PRKAR1A: variants seen among roughly 807,000 people sequenced by gnomAD.
The protein encoded by PRKAR1A is protein kinase cAMP-dependent type I regulatory subunit alpha.
In PRKAR1A, 3 loss-of-function variants were observed where a neutral mutation model predicts 52.0. That is an observed-to-expected ratio of 0.06 (90% CI 0.03 to 0.15). The LOEUF is 0.15. Among genes scored for constraint, PRKAR1A ranks in the 10% least tolerant of loss-of-function variants. PRKAR1A has a pLI of 1.00. For synonymous variants in PRKAR1A, 188 were observed against 168.4 expected (o/e 1.12, Z -0.90); for missense variants, 240 against 477.4 (o/e 0.50, Z 4.63).
At chr17:68,545,942 G>C (rs1453672487) in intron 11 of PRKAR1A, among the ~76,000 whole-genome samples, 1 of 152,146 alleles carries the variant, frequency 6.6e-6, no homozygotes, top group African/African-American at 2.4e-5. Flanking sequence ...GGCTGAGGCA[G>C]GTGGATCACG....
chr17:68,523,038 A>G (rs999588795), intron 3 of PRKAR1A, 112 bp downstream of exon 3: 1 of 1,304,042 alleles, frequency 7.7e-7, no homozygotes, highest in African/African-American at 1.5e-5. Context: ...AACTTCATCC[A>G]TCCTGTACAA....
At chr17:68,418,219 G>A in the PRKAR1A span, among the ~76,000 whole-genome samples, 1 of 152,068 alleles carries the variant, frequency 6.6e-6, no homozygotes, top group Non-Finnish European at 1.5e-5. Context: ...GTTGATTTTT[G>A]TTTTCACTGG....
chr17:68,428,973 G>T, the PRKAR1A span: 1 of 1,499,702 alleles, frequency 6.7e-7, no homozygotes, highest in South Asian at 1.1e-5. Flanking sequence ...TGATGACAAC[G>T]AAGATGGGCG....
chr17:68,491,826 G>A, the PRKAR1A span, among the ~76,000 whole-genome samples: 1 of 152,136 alleles, frequency 6.6e-6, no homozygotes, highest in African/African-American at 2.4e-5. Flanking sequence ...ATCCTTAAAG[G>A]GCCAGAAGAA....
At chr17:68,504,581 G>C in the PRKAR1A span, among the ~76,000 whole-genome samples, 6 of 152,198 alleles carry the variant, frequency 3.9e-5, no homozygotes, top group Non-Finnish European at 8.8e-5. Context: ...AGTGAAGTAG[G>C]CCAAGCACAG....
intron 5 of PRKAR1A, 25 bp from the exon 6 acceptor site, chr17:68,524,887 T>C: frequency 6.4e-7 from 1 of 1,570,646 alleles, no homozygotes; most frequent in Non-Finnish European, 8.8e-7. Flanking sequence ...TGGAATATGC[T>C]TCTAACTTTT....
chr17:68,536,062 A>T, downstream of PRKAR1A: 1 of 454,090 alleles, frequency 2.2e-6, no homozygotes. Flanking sequence ...ATCTCAGTGA[A>T]TGGTAGTGAT....
chr17:68,477,551 G>A, the PRKAR1A span, among the ~76,000 whole-genome samples: 6 of 152,056 alleles, frequency 3.9e-5, no homozygotes, highest in South Asian at 2.1e-4. Flanking sequence ...TTTTTTCCCC[G>A]TGTGTACTTA....
intron 9 of PRKAR1A, 69 bp downstream of exon 9, chr17:68,529,060 T>C (rs2085882664): frequency 6.3e-7 from 1 of 1,587,240 alleles, no homozygotes; most frequent in Non-Finnish European, 8.6e-7. Context: ...CTTTAAAAAG[T>C]TGTACGCTCT....
the PRKAR1A span, among the ~76,000 whole-genome samples, chr17:68,491,969 G>T: frequency 6.6e-6 from 1 of 152,186 alleles, no homozygotes; most frequent in Non-Finnish European, 1.5e-5. Flanking sequence ...GTCTGTCCTG[G>T]CCATGGGCCA....
At chr17:68,462,420 G>A in the PRKAR1A span, among the ~76,000 whole-genome samples, 35 of 152,236 alleles carry the variant, frequency 2.3e-4, no homozygotes, top group East Asian at 4.6e-3. Context: ...ACACAGAGAC[G>A]GGTTCAGCAG....
chr17:68,531,924 G>A lies in PRKAR1A; in HGVS notation c.*1475G>A, dbSNP rs1453918162. On this transcript the variant is annotated 3_prime_UTR_variant, in exon 11 of 11. Coordinates refer to ENST00000589228, the MANE Select transcript of PRKAR1A (RefSeq NM_002734.5). Reference sequence around the variant, plus strand: ...GGGTTATATTTGGGAGTGACTGCAAGCATTTTTCCATCTGTGTGCAACTAA... The same window carrying A: ...GGGTTATATTTGGGAGTGACTGCAAACATTTTTCCATCTGTGTGCAACTAA... The A allele has an allele frequency of 1.7e-5, 18 of 1,064,786 alleles. No homozygotes were observed. The highest frequency in any genetic ancestry group is 2.0e-5 in the Non-Finnish European group (18 of 878,526). The allele number at this position is 1,064,786 out of a possible 1,614,324, so 66.0% of individuals were successfully genotyped here. A position where few individuals can be genotyped will look rare whatever the true frequency, so the allele number is the denominator to read the frequency against.
chr17:68,454,810 G>A, the PRKAR1A span, among the ~76,000 whole-genome samples: 1 of 152,206 alleles, frequency 6.6e-6, no homozygotes, highest in African/African-American at 2.4e-5. Flanking sequence ...TTAATGCAAA[G>A]TGACAGCAAT....
chr17:68,476,844 G>A, the PRKAR1A span, among the ~76,000 whole-genome samples: 1 of 151,974 alleles, frequency 6.6e-6, no homozygotes, highest in Non-Finnish European at 1.5e-5. Context: ...TGTATTTTTA[G>A]TAGGGATGGG....
intron 11 of PRKAR1A, chr17:68,540,602 C>T: frequency 1.7e-6 from 1 of 599,102 alleles, no homozygotes; most frequent in Non-Finnish European, 3.1e-6. Context: ...GACGCCCACT[C>T]AGGCCCGTGG....
chr17:68,437,016 A>ATATATATATG, the PRKAR1A span, among the ~76,000 whole-genome samples: 18 of 144,578 alleles, frequency 1.2e-4, no homozygotes, highest in Non-Finnish European at 2.0e-4. Flanking sequence ...ATATATATAT[A>ATATATATATG]TGTGTGTGTG....
At chr17:68,505,212 G>A in the PRKAR1A span, among the ~76,000 whole-genome samples, 2 of 152,156 alleles carry the variant, frequency 1.3e-5, no homozygotes, top group Admixed American at 6.5e-5. Context: ...GTGGGAGGAT[G>A]GCTTGAGCCC....
At chr17:68,549,970 A>G (rs1395813669) in intron 11 of PRKAR1A, among the ~76,000 whole-genome samples, 5 of 152,246 alleles carry the variant, frequency 3.3e-5, no homozygotes, top group Admixed American at 1.3e-4. Context: ...CAGTCCTGGC[A>G]TAGTTAGCCA....
the PRKAR1A span, among the ~76,000 whole-genome samples, chr17:68,479,772 C>G: frequency 3.9e-5 from 6 of 152,204 alleles, no homozygotes; most frequent in Non-Finnish European, 8.8e-5. Context: ...ATACCCAAGA[C>G]TGGGTAATTT....
Sources: gnomAD v4.1 joint callset for allele counts (sites outside exome capture counted in the v4.1 genomes callset) on GRCh38, gnomAD v4.1.1 for gene constraint, MANE v1.5 for transcripts, NCBI Gene and HGNC (gene_info 2026-07-23, HGNC 2026-07-21) for gene names.